GRID2: variants seen among roughly 807,000 people sequenced by gnomAD.
GRID2 encodes the protein glutamate receptor ionotropic, delta-2.
In GRID2, 33 loss-of-function variants were observed where a neutral mutation model predicts 114.8. The observed-to-expected ratio is 0.29, with a 90% CI of 0.22 to 0.38. The LOEUF is 0.38. Ranked by LOEUF, GRID2 falls within the 10% of genes least tolerant of loss-of-function variation. GRID2 has a pLI of 1.00. For missense variants in GRID2, 1,184 were observed against 1,257.7 expected, an observed-to-expected ratio of 0.94 and a Z score of 0.89; for synonymous variants, 505 against 449.9, an observed-to-expected ratio of 1.12 and a Z score of -1.55.
intron 9 of GRID2, among the ~76,000 whole-genome samples, chr4:93,405,387 G>A (rs968828868): frequency 1.3e-5 from 2 of 152,148 alleles, no homozygotes; most frequent in African/African-American, 4.8e-5. Context: ...TGAAATGATA[G>A]CTGTTGCACA....
At chr4:92,309,529 T>TC (rs1725589394) in intron 1 of GRID2, among the ~76,000 whole-genome samples, 4 of 151,898 alleles carry the variant, frequency 2.6e-5, no homozygotes, top group Admixed American at 2.0e-4. Flanking sequence ...ATTTTTTTTT[T>TC]TAGTACTACT....
chr4:92,516,428 C>T (rs1001506380), intron 1 of GRID2, among the ~76,000 whole-genome samples: 8 of 151,836 alleles, frequency 5.3e-5, no homozygotes, highest in Admixed American at 6.6e-5. Context: ...TGATGTTCAG[C>T]TTTGACCCAG....
At chr4:92,988,627 A>T (rs958971944) in intron 2 of GRID2, among the ~76,000 whole-genome samples, 2 of 152,096 alleles carry the variant, frequency 1.3e-5, no homozygotes, top group Non-Finnish European at 2.9e-5. Context: ...TTACATTTTA[A>T]CTGGATTACC....
intron 7 of GRID2, among the ~76,000 whole-genome samples, chr4:93,236,716 C>T (rs1746842066): frequency 1.3e-5 from 2 of 151,910 alleles, no homozygotes; most frequent in African/African-American, 4.8e-5. Context: ...ACATCCTAGA[C>T]CAGCTGCTTA....
intron 7 of GRID2, among the ~76,000 whole-genome samples, chr4:93,231,827 C>T (rs1286628636): frequency 6.6e-6 from 1 of 152,152 alleles, no homozygotes; most frequent in Non-Finnish European, 1.5e-5. Context: ...CAAGTGCTCT[C>T]TCAGTAGCAC....
At chr4:93,241,426 T>TATATAGTGGTATAAATATATACC (rs1312653966) in intron 8 of GRID2, among the ~76,000 whole-genome samples, 12 of 151,770 alleles carry the variant, frequency 7.9e-5, no homozygotes, top group African/African-American at 2.7e-4. Flanking sequence ...ACCACTATAC[T>TATATAGTGGTATAAATATATACC]ACTATATATT....
chr4:92,593,979 G>A (rs1049433433), intron 2 of GRID2, among the ~76,000 whole-genome samples: 5 of 150,852 alleles, frequency 3.3e-5, no homozygotes, highest in Non-Finnish European at 5.9e-5. Flanking sequence ...GAATTATAGG[G>A]GTGGAAAATT....
intron 4 of GRID2, among the ~76,000 whole-genome samples, chr4:93,176,697 T>C (rs1739375108): frequency 6.9e-6 from 1 of 144,686 alleles, no homozygotes; most frequent in African/African-American, 2.4e-5. Flanking sequence ...TGAAGGAATA[T>C]AATATATGTT....
At chr4:92,632,960 C>G (rs1489744645) in intron 2 of GRID2, among the ~76,000 whole-genome samples, 1 of 152,062 alleles carries the variant, frequency 6.6e-6, no homozygotes, top group African/African-American at 2.4e-5. Context: ...TGCCAAGATA[C>G]AATGGGAAAA....
rs1489345457 is a variant in GRID2 at position 92,738,783 on chromosome 4, C to T, written c.244+148497C>T. On this transcript the variant is annotated intron_variant, in intron 2 of 15. Coordinates refer to ENST00000282020, the MANE Select transcript of GRID2 (RefSeq NM_001510.4). ...TCTCCTACCTCAGCCTCCTCAGTAG[C>T]TAAGACTAATGGCATGCACCACCAT... Among the ~76,000 whole-genome samples the T allele has an allele frequency of 2.6e-5, 4 of 152,142 alleles. No individual in the cohort carries two copies. The East Asian group carries it at 7.8e-4, about 29-fold the overall frequency.
intron 13 of GRID2, among the ~76,000 whole-genome samples, chr4:93,608,612 T>A (rs1194408470): frequency 7.0e-6 from 1 of 141,860 alleles, no homozygotes; most frequent in Non-Finnish European, 1.6e-5. Context: ...GTTTCCAATT[T>A]CATCCATGTC....
intron 2 of GRID2, among the ~76,000 whole-genome samples, chr4:92,988,129 T>C (rs1007657848): frequency 6.6e-6 from 1 of 152,164 alleles, no homozygotes; most frequent in Non-Finnish European, 1.5e-5. Flanking sequence ...TACCTTATAG[T>C]TTTTTTGAGT....
Position 92,643,160 on chromosome 4 carries a change from T to C in GRID2, c.244+52874T>C, listed in dbSNP as rs553126945. Among the ~76,000 whole-genome samples, 3 of 151,906 alleles carry C rather than the reference T, an allele frequency of 2.0e-5. No individual in the cohort carries two copies. In the South Asian group the frequency reaches 6.2e-4, roughly 31 times the overall value. On this transcript the variant is annotated intron_variant, in intron 2 of 15. Coordinates refer to ENST00000282020, the MANE Select transcript of GRID2 (RefSeq NM_001510.4). The stretch of plus-strand genomic sequence containing the variant: ...AGAATGACCTTGGTAGTTTGATAGG[T>C]ATAACATTGAATATGTACATTGCTT...
intron 2 of GRID2, among the ~76,000 whole-genome samples, chr4:92,803,160 C>T (rs564806360): frequency 1.8e-4 from 28 of 151,500 alleles, no homozygotes; most frequent in Non-Finnish European, 3.4e-4. Context: ...TTTTTCCATA[C>T]AAAATTTGAA....
At chr4:93,543,068 G>T (rs1444967469) in intron 13 of GRID2, among the ~76,000 whole-genome samples, 1 of 152,180 alleles carries the variant, frequency 6.6e-6, no homozygotes. Context: ...ACAGGTCACT[G>T]ATTCGCACTG....
intron 1 of GRID2, among the ~76,000 whole-genome samples, chr4:92,393,679 G>A (rs1423643229): frequency 6.6e-6 from 1 of 152,076 alleles, no homozygotes; most frequent in African/African-American, 2.4e-5. Context: ...CTACAAACAT[G>A]ATCAAGTTGC....
intron 2 of GRID2, among the ~76,000 whole-genome samples, chr4:92,784,175 C>T (rs1325619813): frequency 2.6e-5 from 4 of 151,968 alleles, no homozygotes. Flanking sequence ...TTCAAAGATA[C>T]TGCTCTTTTT....
chr4:93,319,854 A>C (rs2149206384), intron 8 of GRID2: 1 of 152,196 alleles, frequency 6.6e-6, no homozygotes, highest in East Asian at 1.9e-4. Context: ...TTGGAAGTGG[A>C]TTATTTCTTA....
At chr4:93,277,691 T>G (rs1178876496) in intron 8 of GRID2, among the ~76,000 whole-genome samples, 1 of 151,934 alleles carries the variant, frequency 6.6e-6, no homozygotes. Flanking sequence ...TTGCATGTAT[T>G]TAAGTAAAGC....
Sources: allele counts gnomAD v4.1 joint callset (sites outside exome capture counted in the v4.1 genomes callset), GRCh38; gene constraint gnomAD v4.1.1; transcripts MANE v1.5; gene names NCBI Gene and HGNC (gene_info 2026-07-23, HGNC 2026-07-21).